FAT2: variants seen among roughly 807,000 people sequenced by gnomAD.
The protein encoded by FAT2 is protocadherin Fat 2.
A neutral mutation model predicts 295.3 loss-of-function variants in FAT2; 150 were observed. The observed-to-expected ratio is 0.51, with a 90% CI of 0.44 to 0.58. The LOEUF is 0.58. Ranked by LOEUF, FAT2 falls within the 20% of genes least tolerant of loss-of-function variation. The probability of loss-of-function intolerance (pLI) is 0.00; values close to 1 mark genes in which losing one functional copy is unlikely to be tolerated. For missense variants in FAT2, 4,868 were observed against 5,442.7 expected (o/e 0.89, Z 3.32); for synonymous variants, 2,026 against 2,150.3 (o/e 0.94, Z 1.60).
intron 1 of FAT2, among the ~76,000 whole-genome samples, chr5:151,571,267 C>T (rs1349533237): frequency 1.3e-5 from 2 of 152,220 alleles, no homozygotes; most frequent in East Asian, 3.9e-4. Context: ...GTCATTCAGC[C>T]CCCAACCCAT....
chr5:151,545,190 C>A lies in FAT2; in HGVS notation c.5937G>T (p.Glu1979Asp). 6.2e-7 allele frequency: 1 copy of A among 1,614,214 alleles called. No homozygotes were observed. The highest frequency in any genetic ancestry group is 1.1e-5 in the South Asian group (1 of 91,082). The change falls in exon 10 of 24, where the codon GAG becomes GAT. Residue 1979 changes from glutamate (E) to aspartate (D), a missense_variant. Glu to Asp is a conservative substitution (Grantham distance 45). This residue lies in a region of FAT2 where 3,297 missense variants were observed against 3,669.4 expected (regional missense o/e 0.90). Coordinates refer to ENST00000261800, the MANE Select transcript of FAT2 (RefSeq NM_001447.3). ...CCAGTGCCTTTCTGTCCTGCAAGTT[C>A]TCCTTCACAGCTGCCCAGTAGACAT... ...DQDVYWAAVK[E>D]NLQDRKALVI... is the part of the protein sequence containing the mutation.
intron 4 of FAT2, among the ~76,000 whole-genome samples, chr5:151,555,660 G>T (rs369592994): frequency 6.6e-6 from 1 of 152,100 alleles, no homozygotes; most frequent in East Asian, 1.9e-4. Context: ...ATGAGCCACC[G>T]TGCCTGGCTA....
chr5:151,507,131 T>C (rs1288071187), intron 23 of FAT2, 23 bp downstream of exon 23: 1 of 1,525,988 alleles, frequency 6.6e-7, no homozygotes, highest in African/African-American at 1.4e-5. Context: ...TCCCAGAGGC[T>C]AAGCGTCTCT....
chr5:151,542,319 A>G lies in FAT2; in HGVS notation c.8808T>C (p.Ser2936=), dbSNP rs777436003. 5.6e-6 allele frequency: 9 copies of G among 1,611,576 alleles called. No homozygotes were observed. The highest frequency in any genetic ancestry group is 1.7e-5 in the Admixed American group (1 of 59,812). The change falls in exon 10 of 24, where the codon TCT becomes TCC. Residue 2936 remains serine, a synonymous_variant. Transcript: ENST00000261800. ...AGCAGGTGACCTGCCTGTTCTGCTCAGAAATGTCAGCATCCAGGGTCTTTA... is the reference window on the plus strand; with the variant it reads ...AGCAGGTGACCTGCCTGTTCTGCTCGGAAATGTCAGCATCCAGGGTCTTTA... ...ATLKTLDADI[S]EQNRQVTCYI...
Position 151,521,916 on chromosome 5 carries a change from G to T in FAT2, c.10677C>A (p.Asp3559Glu), listed in dbSNP as rs1237029182. 2.5e-6 allele frequency: 4 copies of T among 1,614,012 alleles called. No homozygotes were observed. Among genetic ancestry groups the T allele is most frequent in the Non-Finnish European group, 3.4e-6 (4 of 1,179,866 alleles). The change falls in exon 19 of 24, where the codon GAC becomes GAA. Residue 3559 changes from aspartate to glutamate, a missense_variant. Physicochemically the swap from Asp to Glu is conservative, Grantham distance 45 (BLOSUM62 2). Coordinates refer to ENST00000261800, the MANE Select transcript of FAT2 (RefSeq NM_001447.3). The stretch of plus-strand genomic sequence containing the variant: ...GGCTATAGGTCAGCGTGTCCTGGGG[G>T]TCTCGGTCTGTGGCATGGATCTTAC... ...MVGKIHATDR[D>E]PQDTLTYSLA...
At chr5:151,530,654 G>A (rs1365301418) in intron 14 of FAT2, among the ~76,000 whole-genome samples, 1 of 152,208 alleles carries the variant, frequency 6.6e-6, no homozygotes, top group East Asian at 1.9e-4. Flanking sequence ...ATGGCCTGGT[G>A]ATATTAAGAA....
intron 12 of FAT2, among the ~76,000 whole-genome samples, chr5:151,537,082 A>G (rs1488869376): frequency 6.6e-6 from 1 of 152,092 alleles, no homozygotes; most frequent in Non-Finnish European, 1.5e-5. Context: ...TTTACTTAAG[A>G]TCCTCCGTAG....
chr5:151,563,171 C>T (rs1461197673), intron 3 of FAT2, among the ~76,000 whole-genome samples, 154 bp downstream of exon 3: 1 of 152,194 alleles, frequency 6.6e-6, no homozygotes, highest in Non-Finnish European at 1.5e-5. Flanking sequence ...ATTGCTGGGC[C>T]TCACCCTCGA....
intron 5 of FAT2, 71 bp downstream of exon 5, chr5:151,554,291 C>T (rs2127629745): frequency 7.0e-7 from 1 of 1,430,670 alleles, no homozygotes; most frequent in Non-Finnish European, 9.6e-7. Flanking sequence ...TCTCCCTCCT[C>T]CTGAATTCTC....
At chr5:151,515,989 C>T (rs1354754812) in intron 20 of FAT2, among the ~76,000 whole-genome samples, 1 of 152,200 alleles carries the variant, frequency 6.6e-6, no homozygotes, top group African/African-American at 2.4e-5. Flanking sequence ...CCAACTCCTC[C>T]TCCTACTGTT....
In FAT2 at chr5:151,505,299, T is replaced by G; in HGVS notation, c.*266A>C. 1 of 519,678 alleles carries G rather than the reference T, an allele frequency of 1.9e-6. No individual in the cohort carries two copies. Among genetic ancestry groups the G allele is most frequent in the Non-Finnish European group, 3.4e-6 (1 of 296,504 alleles). 32.2% of individuals were successfully genotyped at this position (519,678 alleles called of 1,614,324 possible). On this transcript the variant is annotated 3_prime_UTR_variant, in exon 24 of 24. Transcript: ENST00000261800. ...GTCTCTCGCCCACCCCGGGAGTCAA[T>G]TGTTCCTGGTTTTCCAGGGTCACTG...
rs758862420 is a variant in FAT2 at position 151,507,295 on chromosome 5, T to C, written c.12376A>G (p.Asn4126Asp). Residue 4126 changes from asparagine (N) to aspartate (D), a missense_variant, in exon 23 of 24, where the codon AAT becomes GAT. Asn to Asp is a conservative substitution (Grantham distance 23, BLOSUM62 1). Coordinates refer to ENST00000261800, the MANE Select transcript of FAT2 (RefSeq NM_001447.3). ...QPEPSKASVPNELVTFGPNSK... is the reference protein window; with the variant it reads ...QPEPSKASVPDELVTFGPNSK... ...TTGGGTCCAAATGTGACGAGTTCAT[T>C]TGGAACAGAGGCCTTGCTGGGTTCC... 3 of 1,614,178 alleles carry C rather than the reference T, an allele frequency of 1.9e-6. No individual in the cohort carries two copies. The South Asian group carries it at 3.3e-5, about 18-fold the overall frequency.
chr5:151,525,733 C>T (rs2127583742), intron 18 of FAT2, 35 bp downstream of exon 18: 2 of 1,611,924 alleles, frequency 1.2e-6, no homozygotes, highest in South Asian at 1.1e-5. Flanking sequence ...TTACTGTCCC[C>T]ATGGTCACCA....
chr5:151,529,799 G>A (rs1361978824), intron 14 of FAT2, among the ~76,000 whole-genome samples: 4 of 152,116 alleles, frequency 2.6e-5, no homozygotes, highest in African/African-American at 9.7e-5. Context: ...GCTAGTAAAT[G>A]ACAGACCTCA....
chr5:151,558,426 A>C (rs1452086416), intron 3 of FAT2, among the ~76,000 whole-genome samples: 3 of 152,056 alleles, frequency 2.0e-5, no homozygotes, highest in African/African-American at 7.2e-5. Flanking sequence ...GACCAGCCTG[A>C]CCAATATGGT....
chr5:151,589,764 G>A (rs62379741), intron 1 of FAT2, among the ~76,000 whole-genome samples: 5,974 of 152,174 alleles, frequency 0.039, 158 homozygotes, highest in Non-Finnish European at 0.055. Flanking sequence ...AGCCAGGTGT[G>A]GTGGTGTTTG....
chr5:151,513,645 A>G (rs1034472340), intron 20 of FAT2, among the ~76,000 whole-genome samples: 2 of 152,198 alleles, frequency 1.3e-5, no homozygotes, highest in African/African-American at 4.8e-5. Context: ...ATCAGGAACT[A>G]TGCTTATTCC....
Position 151,512,710 on chromosome 5 carries a change from G to A in FAT2, c.11464-104C>T. The stretch of plus-strand genomic sequence containing the variant: ...ATGTTGTTTGTATTTTTATGGGTAG[G>A]AGGGGGGTGTTTGGCTGTTTTAGAC... On this transcript the variant is annotated intron_variant, in intron 20 of 23. Coordinates refer to ENST00000261800, the MANE Select transcript of FAT2 (RefSeq NM_001447.3). This position sits in a 1 kb window ranked among gnomAD's most constrained non-coding sequence, Gnocchi z 4.1. 1 of 1,109,144 alleles carries A rather than the reference G, an allele frequency of 9.0e-7. No homozygotes were observed. Among genetic ancestry groups the A allele is most frequent in the Non-Finnish European group, 1.3e-6 (1 of 781,538 alleles). The allele number at this position is 1,109,144 out of a possible 1,614,324, so 68.7% of individuals were successfully genotyped here.
intron 20 of FAT2, among the ~76,000 whole-genome samples, chr5:151,517,101 C>G (rs1752946647): frequency 6.7e-6 from 1 of 148,822 alleles, no homozygotes; most frequent in Non-Finnish European, 1.5e-5. Context: ...GAGAGAGACT[C>G]CATCTCAAAA....
Sources: allele counts gnomAD v4.1 joint callset (sites outside exome capture counted in the v4.1 genomes callset), GRCh38; gene constraint gnomAD v4.1.1; regional missense constraint gnomAD v4.1.1; non-coding constraint Gnocchi (gnomAD v3.1); transcripts MANE v1.5; gene names NCBI Gene and HGNC (gene_info 2026-07-23, HGNC 2026-07-21).